The following XKR9 variants were observed in gnomAD, a reference collection of about 807,000 sequenced individuals.
The protein encoded by XKR9 is XK-related protein 9.
Under a neutral mutation model 32.0 loss-of-function variants are expected in XKR9, and 32 were observed. The observed-to-expected ratio is 1.00, with a 90% CI of 0.76 to 1.34. The LOEUF is 1.34. XKR9 is among the 40% of genes most tolerant of loss of function. The probability of loss-of-function intolerance (pLI) is 0.00; values close to 1 mark genes in which losing one functional copy is unlikely to be tolerated. For missense variants in XKR9, 546 were observed against 429.7 expected, an observed-to-expected ratio of 1.27 and a Z score of -2.39; for synonymous variants, 168 against 143.4, an observed-to-expected ratio of 1.17 and a Z score of -1.22.
At chr8:70,856,830 C>G in the XKR9 span, among the ~76,000 whole-genome samples, 3 of 152,094 alleles carry the variant, frequency 2.0e-5, no homozygotes, top group African/African-American at 7.2e-5. Flanking sequence ...CACTCAAAGC[C>G]GCTCAACTAC....
At chr8:70,853,216 G>A in the XKR9 span, among the ~76,000 whole-genome samples, 1 of 151,978 alleles carries the variant, frequency 6.6e-6, no homozygotes, top group African/African-American at 2.4e-5. Flanking sequence ...AACTCATCAA[G>A]ATAGAGAATA....
the XKR9 span, among the ~76,000 whole-genome samples, chr8:70,860,323 A>G: frequency 6.6e-6 from 1 of 152,036 alleles, no homozygotes; most frequent in African/African-American, 2.4e-5. Flanking sequence ...AGCTCTCTTT[A>G]TGCCATGTGA....
the XKR9 span, among the ~76,000 whole-genome samples, chr8:70,992,769 C>T: frequency 0.013 from 2,043 of 152,290 alleles, 27 homozygotes; most frequent in Non-Finnish European, 0.02. Context: ...CAGCTTCTTG[C>T]AGCACTCCCA....
chr8:70,820,334 G>A, the XKR9 span, among the ~76,000 whole-genome samples: 9 of 152,264 alleles, frequency 5.9e-5, no homozygotes, highest in South Asian at 4.1e-4. Flanking sequence ...CCTGAAGATA[G>A]GTAATTTATA....
At chr8:70,757,444 C>T (rs186048291) in intron 2 of XKR9, among the ~76,000 whole-genome samples, 1 of 152,082 alleles carries the variant, frequency 6.6e-6, no homozygotes, top group African/African-American at 2.4e-5. Flanking sequence ...TTACACTTTG[C>T]AACTCCAGAA....
At chr8:70,794,240 TA>T (rs1408659527), downstream of XKR9, among the ~76,000 whole-genome samples, 1 of 152,136 alleles carries the variant, frequency 6.6e-6, no homozygotes, top group African/African-American at 2.4e-5. Flanking sequence ...TTATTAGTTC[TA>T]ACAGGTTTTT....
At chr8:70,811,829 C>A in the XKR9 span, among the ~76,000 whole-genome samples, 2 of 151,878 alleles carry the variant, frequency 1.3e-5, no homozygotes, top group Non-Finnish European at 2.9e-5. Flanking sequence ...AGTCCAGGAC[C>A]AGATGGATTC....
At chr8:70,753,153 T>C (rs1450974297) in intron 2 of XKR9, among the ~76,000 whole-genome samples, 1 of 152,182 alleles carries the variant, frequency 6.6e-6, no homozygotes, top group Admixed American at 6.5e-5. Flanking sequence ...ACAAATAAAC[T>C]AGAAAATCTA....
the XKR9 span, among the ~76,000 whole-genome samples, chr8:70,996,159 G>A: frequency 1.3e-5 from 2 of 152,182 alleles, no homozygotes; most frequent in Non-Finnish European, 2.9e-5. Context: ...TTATTAACAT[G>A]TGATGTATGA....
chr8:70,774,325 G>T (rs892111477), intron 2 of XKR9, among the ~76,000 whole-genome samples: 7 of 151,880 alleles, frequency 4.6e-5, no homozygotes, highest in African/African-American at 1.7e-4. Context: ...TTCAGAGATG[G>T]GGTCTTGTTA....
At chr8:70,811,654 T>G in the XKR9 span, among the ~76,000 whole-genome samples, 1 of 152,198 alleles carries the variant, frequency 6.6e-6, no homozygotes, top group East Asian at 1.9e-4. Flanking sequence ...CAGAGAATAC[T>G]ACAAACACCT....
At chr8:71,038,803 A>ATTTT in the XKR9 span, among the ~76,000 whole-genome samples, 2 of 119,290 alleles carry the variant, frequency 1.7e-5, no homozygotes, top group Non-Finnish European at 3.5e-5. Flanking sequence ...TTGGATGCTG[A>ATTTT]TTTTTTTTTT....
intron 4 of XKR9, among the ~76,000 whole-genome samples, chr8:70,722,073 A>C: frequency 6.6e-6 from 1 of 151,072 alleles, no homozygotes; most frequent in South Asian, 2.1e-4. Context: ...GTCTTTTTTG[A>C]TATTTGTTGG....
intron 2 of XKR9, among the ~76,000 whole-genome samples, chr8:70,751,422 CCCGGCCTGTGATAATTTTAGGTG>C (rs1807139173): frequency 6.6e-6 from 1 of 152,132 alleles, no homozygotes; most frequent in Non-Finnish European, 1.5e-5. Flanking sequence ...AGCCACCGTG[CCCGGCCTGTGATAATTTTAGGTG>C]TCAACTTGAC....
chr8:70,711,027 C>G lies in XKR9; in HGVS notation c.493+3874C>G, dbSNP rs972333244. On this transcript the variant is annotated intron_variant, in intron 4 of 4. Transcript: ENST00000408926. ...CCTGCAGACAAGCATATGAAAAGCT[C>G]TATTTCACTAATAATTAGAGAAATG... Among the ~76,000 whole-genome samples, 3 of 152,094 alleles carry G rather than the reference C, an allele frequency of 2.0e-5. No individual in the cohort carries two copies. In the South Asian group the frequency reaches 6.2e-4, roughly 31 times the overall value.
chr8:70,901,731 T>G, the XKR9 span, among the ~76,000 whole-genome samples: 2 of 152,344 alleles, frequency 1.3e-5, no homozygotes, highest in African/African-American at 4.8e-5. Flanking sequence ...ATGAAGTCCT[T>G]GCCCATGCCT....
the XKR9 span, among the ~76,000 whole-genome samples, chr8:70,877,468 C>G: frequency 6.6e-6 from 1 of 152,076 alleles, no homozygotes; most frequent in Non-Finnish European, 1.5e-5. Context: ...AAGTGATTTA[C>G]TCAAGATCAC....
intron 4 of XKR9, among the ~76,000 whole-genome samples, chr8:70,730,045 C>G (rs1486531370): frequency 2.0e-5 from 3 of 152,058 alleles, no homozygotes; most frequent in Non-Finnish European, 4.4e-5. Context: ...GAGGTGGTAA[C>G]TTGAAAAAAA....
chr8:70,748,876 G>C (rs200608542), intron 2 of XKR9, among the ~76,000 whole-genome samples: 1 of 136,822 alleles, frequency 7.3e-6, no homozygotes, highest in African/African-American at 2.6e-5. Flanking sequence ...GCCAGACTCA[G>C]ACATTGGGAC....
Sources: gnomAD v4.1 joint callset for allele counts (sites outside exome capture counted in the v4.1 genomes callset) on GRCh38, gnomAD v4.1.1 for gene constraint, MANE v1.5 for transcripts, NCBI Gene and HGNC (gene_info 2026-07-23, HGNC 2026-07-21) for gene names.